The following ASAP3 variants were observed in gnomAD, a reference collection of about 807,000 sequenced individuals.
The protein encoded by ASAP3 is ArfGAP with SH3 domain, ankyrin repeat and PH domain 3.
In ASAP3, 85 loss-of-function variants were observed where a neutral mutation model predicts 118.2. The ratio of observed to expected loss-of-function variants is 0.72; its 90% confidence interval spans 0.60 to 0.86. The LOEUF (loss-of-function observed/expected upper bound fraction) is 0.86. Ranked by LOEUF, ASAP3 falls within the 40% of genes least tolerant of loss-of-function variation. The pLI is 0.00. For missense variants in ASAP3, 1,026 were observed against 1,175.0 expected (o/e 0.87, Z 1.85); for synonymous variants, 432 against 477.4 (o/e 0.90, Z 1.24).
Position 23,438,856 on chromosome 1 carries a change from G to A in ASAP3, c.1015-22C>T, listed in dbSNP as rs566753473. On this transcript the variant is annotated intron_variant, in intron 11 of 24. Coordinates refer to ENST00000336689, the MANE Select transcript of ASAP3 (RefSeq NM_017707.4). This position sits in a 1 kb window ranked among gnomAD's most constrained non-coding sequence, Gnocchi z 4.9. The stretch of plus-strand genomic sequence containing the variant: ...TTATCTGTGGGAATTTAGGGGCGGA[G>A]GATGTATGCATTACCTCTGGCCCTC... 5.6e-6 allele frequency: 9 copies of A among 1,611,306 alleles called. No homozygotes were observed. Among genetic ancestry groups the A allele is most frequent in the Non-Finnish European group, 7.6e-6 (9 of 1,177,528 alleles).
chr1:23,434,702 C>A, intron 17 of ASAP3, 84 bp from the exon 18 acceptor site: 1 of 1,298,018 alleles, frequency 7.7e-7, no homozygotes, highest in Non-Finnish European at 1.1e-6. Flanking sequence ...CTCTTGCTAA[C>A]CCCTTATCCC....
At chr1:23,433,588 G>GA (rs1282875516) in intron 20 of ASAP3, 38 bp downstream of exon 20, 4 of 1,614,206 alleles carry the variant, frequency 2.5e-6, no homozygotes, top group Non-Finnish European at 3.4e-6. Context: ...CAGGGAGAGA[G>GA]AAAGAGTCAG....
chr1:23,482,699 A>T (rs1040310564), intron 1 of ASAP3, among the ~76,000 whole-genome samples: 1 of 152,086 alleles, frequency 6.6e-6, no homozygotes, highest in African/African-American at 2.4e-5. Flanking sequence ...CTGTAATCCC[A>T]GCACTTTGGG....
chr1:23,454,387 T>C (rs773857796), intron 3 of ASAP3, among the ~76,000 whole-genome samples: 2 of 152,194 alleles, frequency 1.3e-5, no homozygotes, highest in Admixed American at 1.3e-4. Context: ...AGTTTCACCA[T>C]GTTGGCCAGG....
intron 1 of ASAP3, among the ~76,000 whole-genome samples, chr1:23,472,956 T>C (rs189235846): frequency 2.1e-3 from 326 of 152,286 alleles, no homozygotes; most frequent in Non-Finnish European, 2.3e-3. Context: ...CCCAAGTCTG[T>C]CTGACTTTAG....
At chr1:23,461,760 T>A (rs563108164) in intron 1 of ASAP3, among the ~76,000 whole-genome samples, 5 of 152,148 alleles carry the variant, frequency 3.3e-5, no homozygotes, top group African/African-American at 1.2e-4. Flanking sequence ...GCTGGCGATG[T>A]CTAGAGCTCA....
At chr1:23,456,260 G>T in intron 1 of ASAP3, 66 bp from the exon 2 acceptor site, 2 of 1,479,450 alleles carry the variant, frequency 1.4e-6, no homozygotes, top group Non-Finnish European at 1.9e-6. Flanking sequence ...CTTCAGGAAC[G>T]CTGTATCTAT....
intron 1 of ASAP3, 94 bp from the exon 2 acceptor site, chr1:23,456,288 C>A: frequency 8.4e-7 from 1 of 1,186,050 alleles, no homozygotes; most frequent in Non-Finnish European, 1.2e-6. Flanking sequence ...ACCCCCCAAC[C>A]GCCCTCCAAA....
At chr1:23,444,347 G>A (rs1056876512) in intron 5 of ASAP3, among the ~76,000 whole-genome samples, 42 of 152,334 alleles carry the variant, frequency 2.8e-4, no homozygotes, top group African/African-American at 1.0e-3. Context: ...AGCCAGGAGA[G>A]TATTTCCACA....
chr1:23,446,028 T>C (rs1164588617), intron 5 of ASAP3, among the ~76,000 whole-genome samples: 1 of 151,762 alleles, frequency 6.6e-6, no homozygotes, highest in Admixed American at 6.6e-5. Flanking sequence ...TGATTGGCCC[T>C]CCATATCTGT....
At chr1:23,442,634 G>A (rs376532078) in intron 5 of ASAP3, 22 bp from the exon 6 acceptor site, 3 of 1,610,528 alleles carry the variant, frequency 1.9e-6, no homozygotes, top group Non-Finnish European at 2.5e-6. Context: ...GGAAAGAGAA[G>A]CCTGAACAAG....
At chr1:23,466,407 C>A (rs1013690681) in intron 1 of ASAP3, among the ~76,000 whole-genome samples, 1 of 152,200 alleles carries the variant, frequency 6.6e-6, no homozygotes, top group African/African-American at 2.4e-5. Context: ...GTAAGAGACA[C>A]GTCTGAGCTT....
intron 1 of ASAP3, among the ~76,000 whole-genome samples, chr1:23,481,715 C>T (rs770007386): frequency 3.3e-5 from 5 of 152,204 alleles, no homozygotes; most frequent in Non-Finnish European, 7.3e-5. Flanking sequence ...AAGGGTCCCT[C>T]CCCCAACACA....
Position 23,436,671 on chromosome 1 carries a change from A to G in ASAP3, c.1477-17T>C, listed in dbSNP as rs1457838386. ...CAAGGCCAGCTGGAGTCGTAGGAAA[A>G]TAGACGTGGGGCGGAGTAAGACCGG... On this transcript the variant is annotated splice_polypyrimidine_tract_variant and intron_variant, in intron 15 of 24. Coordinates refer to ENST00000336689, the MANE Select transcript of ASAP3 (RefSeq NM_017707.4). The surrounding 1 kb of genome is among the most constrained non-coding windows in gnomAD (Gnocchi z 4.2). 2 of 1,614,078 alleles carry G rather than the reference A, an allele frequency of 1.2e-6. No homozygotes were observed. Among genetic ancestry groups the G allele is most frequent in the Non-Finnish European group, 1.7e-6 (2 of 1,179,934 alleles).
intron 19 of ASAP3, 117 bp downstream of exon 19, chr1:23,434,137 C>A: frequency 2.1e-6 from 2 of 956,724 alleles, no homozygotes; most frequent in Non-Finnish European, 1.6e-6. Context: ...AATGACAAAC[C>A]CCTAAGATCA....
chr1:23,437,185 G>A lies in ASAP3; in HGVS notation c.1287C>T (p.Ile429=), dbSNP rs1161920287. ...GEPHDLTKLL[I]AEVKSRPGNS... ...TCCCAGGCCTGCTCTTCACCTCCGC[G>A]ATGAGCAGCTTTGTGAGGTCGTGCG... Residue 429 remains isoleucine (I), a synonymous_variant, in exon 14 of 25, where the codon ATC becomes ATT. Coordinates refer to ENST00000336689, the MANE Select transcript of ASAP3 (RefSeq NM_017707.4). This position sits in a 1 kb window ranked among gnomAD's most constrained non-coding sequence, Gnocchi z 6.1. 6.2e-7 allele frequency: 1 copy of A among 1,607,442 alleles called. No individual in the cohort carries two copies. Among genetic ancestry groups the A allele is most frequent in the Admixed American group, 1.7e-5 (1 of 59,098 alleles).
rs372011169 is a variant in ASAP3 at position 23,471,105 on chromosome 1, C to A, written c.129+12900G>T. On this transcript the variant is annotated intron_variant, in intron 1 of 24. Coordinates refer to ENST00000336689, the MANE Select transcript of ASAP3 (RefSeq NM_017707.4). ...CCAGGATGAATCCCTCCCTGCCCCC[C>A]ACTTGGGCTTGCTATCCATCACTGG... 6.5e-4 allele frequency among the ~76,000 whole-genome samples: 99 copies of A among 152,358 alleles called. No individual in the cohort carries two copies. In the South Asian group the frequency reaches 0.012, roughly 18 times the overall value.
intron 23 of ASAP3, 24 bp from the exon 24 acceptor site, chr1:23,431,149 A>T: frequency 6.4e-7 from 1 of 1,562,420 alleles, no homozygotes; most frequent in South Asian, 1.2e-5. Context: ...AAAGGCCAAC[A>T]TGACCCTCAT....
At chr1:23,442,854 G>A (rs549506769) in intron 5 of ASAP3, among the ~76,000 whole-genome samples, 14 of 152,254 alleles carry the variant, frequency 9.2e-5, no homozygotes, top group African/African-American at 3.1e-4. Context: ...ATCCAACCTC[G>A]TTGGGGCTAG....
Sources: allele counts gnomAD v4.1 joint callset (sites outside exome capture counted in the v4.1 genomes callset), GRCh38; gene constraint gnomAD v4.1.1; non-coding constraint Gnocchi (gnomAD v3.1); transcripts MANE v1.5; gene names NCBI Gene and HGNC (gene_info 2026-07-23, HGNC 2026-07-21).